WDFY1: variants seen among roughly 807,000 people sequenced by gnomAD.
The protein encoded by WDFY1 is WD repeat and FYVE domain-containing protein 1.
In WDFY1, 32 loss-of-function variants were observed where a neutral mutation model predicts 56.4. That is an observed-to-expected ratio of 0.57 (90% CI 0.43 to 0.76). The LOEUF (loss-of-function observed/expected upper bound fraction) is 0.76, where lower values mean the gene tolerates loss of function less well. WDFY1 is among the 30% of genes least tolerant of loss of function. The pLI is 0.00. For synonymous variants in WDFY1, 192 were observed against 197.3 expected, an observed-to-expected ratio of 0.97 and a Z score of 0.23; for missense variants, 480 against 545.7, an observed-to-expected ratio of 0.88 and a Z score of 1.20.
chr2:223,895,885 T>C (rs1457216420), intron 6 of WDFY1, among the ~76,000 whole-genome samples: 5 of 152,004 alleles, frequency 3.3e-5, no homozygotes, highest in Non-Finnish European at 5.9e-5. Flanking sequence ...GGGCCGGGCA[T>C]GGTGACTCAC....
In WDFY1 at chr2:223,883,481, C is replaced by A. The variant is rs150473279; in HGVS notation, c.933+1167G>T. On this transcript the variant is annotated intron_variant, in intron 9 of 11. Transcript: ENST00000233055. ...CTATTAATTATACTGCACTAATTAC[C>A]ATCAGCCATGCATTGTGAGAACTTG... Among the ~76,000 whole-genome samples, 811 of 152,206 alleles carry A rather than the reference C, an allele frequency of 5.3e-3. 6 individuals carry two copies. Among genetic ancestry groups the A allele is most frequent in the Non-Finnish European group, 8.1e-3 (550 of 67,986 alleles).
chr2:223,893,444 C>T (rs779581430), intron 8 of WDFY1, among the ~76,000 whole-genome samples: 12 of 151,462 alleles, frequency 7.9e-5, no homozygotes, highest in Non-Finnish European at 1.6e-4. Context: ...GTGGGAGGAT[C>T]GCTTAAGCCT....
chr2:223,911,863 G>A (rs900457367), intron 3 of WDFY1, among the ~76,000 whole-genome samples: 27 of 150,406 alleles, frequency 1.8e-4, no homozygotes, highest in African/African-American at 6.4e-4. Context: ...CTGCCCAGGC[G>A]AAAGTGCAGT....
Position 223,895,602 on chromosome 2 carries a change from A to C in WDFY1, c.627T>G (p.Pro209=). Residue 209 remains proline (P), a synonymous_variant, in exon 7 of 12, where the codon CCT becomes CCG. Coordinates refer to ENST00000233055, the MANE Select transcript of WDFY1 (RefSeq NM_020830.5). ...EGSVACLWWD[P]IQRLLFSGAS... is the part of the protein sequence containing the mutation. ...CTCCTGAGAAGAGTAACCGCTGAAT[A>C]GGGTCCCACCAGAGGCAGGCGACAC... 6.2e-7 allele frequency: 1 copy of C among 1,614,028 alleles called. No homozygotes were observed. Among genetic ancestry groups the C allele is most frequent in the Non-Finnish European group, 8.5e-7 (1 of 1,179,950 alleles).
intron 7 of WDFY1, 91 bp downstream of exon 7, chr2:223,895,413 G>A: frequency 6.3e-7 from 1 of 1,584,052 alleles, no homozygotes; most frequent in Non-Finnish European, 8.6e-7. Flanking sequence ...AGAACGTGGG[G>A]TTTGCAGAAA....
chr2:223,879,418 G>A (rs1295903919), intron 11 of WDFY1, among the ~76,000 whole-genome samples: 1 of 152,086 alleles, frequency 6.6e-6, no homozygotes, highest in Non-Finnish European at 1.5e-5. Flanking sequence ...TACTTTGGGA[G>A]CCTGAGATGG....
At position 223,891,036 on chromosome 2, in the gene WDFY1, G is replaced by C. The variant is rs140716508; in HGVS notation, c.831+3198C>G. 1.2e-4 allele frequency among the ~76,000 whole-genome samples: 19 copies of C among 152,210 alleles called. No homozygotes were observed. In the East Asian group the frequency reaches 3.7e-3, roughly 29 times the overall value. On this transcript the variant is annotated intron_variant, in intron 8 of 11. Coordinates refer to ENST00000233055, the MANE Select transcript of WDFY1 (RefSeq NM_020830.5). ...ATTCCAGGCAAGCATTGCAGAGCTA[G>C]AGGATCTGGGATCAATCCTCTATGC...
At chr2:223,915,483 G>A (rs540404618) in intron 2 of WDFY1, among the ~76,000 whole-genome samples, 65 of 152,210 alleles carry the variant, frequency 4.3e-4, no homozygotes, top group Non-Finnish European at 7.1e-4. Context: ...GGAAATGCAA[G>A]TCAAGGAGTA....
chr2:223,901,109 T>C, intron 5 of WDFY1, 74 bp downstream of exon 5: 1 of 1,490,084 alleles, frequency 6.7e-7, no homozygotes, highest in Non-Finnish European at 9.0e-7. Context: ...CTCAGCCATT[T>C]GGGATGAGAT....
rs761597996 is a variant in WDFY1, at chr2:223,945,316, C to G, written c.-32G>C. On this transcript the variant is annotated 5_prime_UTR_variant, in exon 1 of 12. Coordinates refer to ENST00000233055, the MANE Select transcript of WDFY1 (RefSeq NM_020830.5). ...GCGGCGACTGCTGCGGCCTCCTCGG[C>G]AGGCAGCCCATCAGCTGACGCCTGG... 4.3e-5 allele frequency: 67 copies of G among 1,547,924 alleles called. No homozygotes were observed. In the African/African-American group the frequency reaches 9.1e-4, roughly 21 times the overall value.
At position 223,878,497 on chromosome 2, in the gene WDFY1, T is replaced by C. The variant is rs545895581; in HGVS notation, c.*174A>G. 5.2e-6 allele frequency: 3 copies of C among 582,206 alleles called. No homozygotes were observed. In the African/African-American group the frequency reaches 5.7e-5, roughly 11 times the overall value. 36.1% of individuals were successfully genotyped at this position (582,206 alleles called of 1,614,324 possible). A position where few individuals can be genotyped will look rare whatever the true frequency, so the allele number is the denominator to read the frequency against. The stretch of plus-strand genomic sequence containing the variant: ...CAGACCTTTTCCATATTAGTCCCCA[T>C]GGGTAAGTTCCACAAATGCCCCAAA... On this transcript the variant is annotated 3_prime_UTR_variant, in exon 12 of 12. Coordinates refer to ENST00000233055, the MANE Select transcript of WDFY1 (RefSeq NM_020830.5).
Position 223,880,101 on chromosome 2 carries a change from TGACA to T in WDFY1, c.1173+19_1173+22del, listed in dbSNP as rs747842890. The T allele has an allele frequency of 3.8e-5, 61 of 1,599,438 alleles. No individual in the cohort carries two copies. The highest frequency in any genetic ancestry group is 5.0e-5 in the Admixed American group (3 of 59,956). On this transcript the variant is annotated intron_variant, in intron 11 of 11. Coordinates refer to ENST00000233055, the MANE Select transcript of WDFY1 (RefSeq NM_020830.5). ...TAATAGGCAATCTCAACTGAGATGC[TGACA>T]GACAATTAGCCAGCTTACCTTTACA...
At chr2:223,898,039 A>T (rs1247417461) in intron 6 of WDFY1, among the ~76,000 whole-genome samples, 1 of 152,144 alleles carries the variant, frequency 6.6e-6, no homozygotes, top group East Asian at 1.9e-4. Flanking sequence ...TCTTTACTGC[A>T]ATGCAAGAAT....
intron 3 of WDFY1, among the ~76,000 whole-genome samples, chr2:223,911,636 C>A (rs550452105): frequency 9.3e-5 from 14 of 150,392 alleles, no homozygotes; most frequent in African/African-American, 3.4e-4. Flanking sequence ...AGGCTCTCCA[C>A]CATCACGGCT....
At chr2:223,917,851 T>C in intron 2 of WDFY1, 92 bp downstream of exon 2, 1 of 1,464,296 alleles carries the variant, frequency 6.8e-7, no homozygotes, top group Non-Finnish European at 9.4e-7. Context: ...GGATTACAGG[T>C]GTGAGCCACC....
chr2:223,931,358 T>A (rs934476252), intron 1 of WDFY1, among the ~76,000 whole-genome samples: 3 of 152,220 alleles, frequency 2.0e-5, no homozygotes, highest in Non-Finnish European at 4.4e-5. Context: ...ATAGTAGATA[T>A]ATGAAAAGTG....
Position 223,896,155 on chromosome 2 carries a change from C to CAAAAAA in WDFY1, c.599-531_599-526dup, listed in dbSNP as rs71058956. 9.0e-3 allele frequency among the ~76,000 whole-genome samples: 359 copies of CAAAAAA among 39,818 alleles called. 61 individuals are homozygous for CAAAAAA. Among genetic ancestry groups the CAAAAAA allele is most frequent in the African/African-American group, 0.035 (333 of 9,464 alleles). The allele number at this position is 39,818 out of a possible 152,430, so 26.1% of individuals were successfully genotyped here. The stretch of plus-strand genomic sequence containing the variant: ...TGGGTGACAGAGTGAGACTCTGTCT[C>CAAAAAA]AAAAAAAAAAAAAAAAAAAAAAAAA... On this transcript the variant is annotated intron_variant, in intron 6 of 11. Coordinates refer to ENST00000233055, the MANE Select transcript of WDFY1 (RefSeq NM_020830.5).
chr2:223,923,625 G>A (rs1175343515), intron 1 of WDFY1, among the ~76,000 whole-genome samples: 1 of 152,104 alleles, frequency 6.6e-6, no homozygotes, highest in Non-Finnish European at 1.5e-5. Context: ...GCCAGGCGTG[G>A]TGGCGGGCAC....
intron 6 of WDFY1, among the ~76,000 whole-genome samples, chr2:223,896,172 A>AAAAAAAAAAAC (rs1693371054): frequency 6.7e-6 from 1 of 148,204 alleles, no homozygotes; most frequent in African/African-American, 2.5e-5. Context: ...AAAAAAAAAA[A>AAAAAAAAAAAC]AAAAAAAAAA....
Sources: allele counts gnomAD v4.1 joint callset (sites outside exome capture counted in the v4.1 genomes callset), GRCh38; gene constraint gnomAD v4.1.1; transcripts MANE v1.5; gene names NCBI Gene and HGNC (gene_info 2026-07-23, HGNC 2026-07-21).